Variants in CADM2 observed in about 807,000 individuals in gnomAD.
CADM2 encodes immunoglobulin superfamily member 4D.
CADM2 carries 12 observed loss-of-function variants against 49.8 expected under a neutral mutation model. The observed-to-expected ratio is 0.24, with a 90% CI of 0.15 to 0.39. The LOEUF (loss-of-function observed/expected upper bound fraction) is 0.39, where lower values mean the gene tolerates loss of function less well. Among genes scored for constraint, CADM2 ranks in the 10% least tolerant of loss-of-function variants. CADM2 has a pLI of 1.00. For missense variants in CADM2, 378 were observed against 492.3 expected, an observed-to-expected ratio of 0.77 and a Z score of 2.20; for synonymous variants, 214 against 175.4, an observed-to-expected ratio of 1.22 and a Z score of -1.74.
intron 5 of CADM2, among the ~76,000 whole-genome samples, chr3:85,899,452 C>T (rs528680303): frequency 2.0e-5 from 3 of 151,994 alleles, no homozygotes; most frequent in South Asian, 4.2e-4. Context: ...GAATTATTTT[C>T]GGGTCAGTTT....
chr3:85,591,981 G>C (rs1301952676), intron 1 of CADM2, among the ~76,000 whole-genome samples: 2 of 151,768 alleles, frequency 1.3e-5, no homozygotes, highest in Non-Finnish European at 2.9e-5. Flanking sequence ...TAAAAATCAG[G>C]TAACTTCCTG....
intron 1 of CADM2, among the ~76,000 whole-genome samples, chr3:85,236,790 G>C (rs1341603333): frequency 6.6e-6 from 1 of 151,922 alleles, no homozygotes; most frequent in Non-Finnish European, 1.5e-5. Flanking sequence ...CATTGATAGG[G>C]CTCGTATAAA....
chr3:85,186,853 T>A (rs536247134), intron 1 of CADM2, among the ~76,000 whole-genome samples: 1 of 152,262 alleles, frequency 6.6e-6, no homozygotes, highest in South Asian at 2.1e-4. Flanking sequence ...AAAGAACAGG[T>A]AATTTCTGTA....
chr3:85,936,766 G>GT (rs1721227882), intron 7 of CADM2, among the ~76,000 whole-genome samples: 1 of 151,738 alleles, frequency 6.6e-6, no homozygotes, highest in Non-Finnish European at 1.5e-5. Flanking sequence ...TAAAAGAATT[G>GT]TAAGATAGAT....
At chr3:85,862,183 A>G (rs796689985) in intron 3 of CADM2, among the ~76,000 whole-genome samples, 1 of 152,234 alleles carries the variant, frequency 6.6e-6, no homozygotes, top group East Asian at 1.9e-4. Context: ...CAATGAATTC[A>G]CTTTCACCAT....
intron 1 of CADM2, among the ~76,000 whole-genome samples, chr3:85,593,364 A>G (rs915668617): frequency 1.3e-5 from 2 of 152,004 alleles, no homozygotes; most frequent in Admixed American, 6.6e-5. Context: ...TTTACTTTTG[A>G]ATACCATCTC....
chr3:85,003,775 C>T (rs2033587298), intron 1 of CADM2, among the ~76,000 whole-genome samples: 1 of 151,928 alleles, frequency 6.6e-6, no homozygotes, highest in South Asian at 2.1e-4. Flanking sequence ...ATAATGAAAA[C>T]CCTATTTTTA....
At chr3:85,460,018 C>T (rs548589359) in intron 1 of CADM2, among the ~76,000 whole-genome samples, 4 of 152,266 alleles carry the variant, frequency 2.6e-5, no homozygotes, top group East Asian at 3.9e-4. Flanking sequence ...TTAGGCTTTA[C>T]GTGAAGAAAC....
intron 1 of CADM2, among the ~76,000 whole-genome samples, chr3:85,076,907 G>T (rs1575817186): frequency 1.3e-5 from 2 of 152,260 alleles, no homozygotes; most frequent in East Asian, 2.0e-4. Flanking sequence ...AGGAGGTGGA[G>T]GTTGCAGTGA....
intron 1 of CADM2, among the ~76,000 whole-genome samples, chr3:85,387,804 T>C (rs1463064209): frequency 6.6e-6 from 1 of 152,196 alleles, no homozygotes; most frequent in African/African-American, 2.4e-5. Context: ...TTGTGATTTA[T>C]GGACACAGAA....
intron 1 of CADM2, among the ~76,000 whole-genome samples, chr3:85,420,635 G>T (rs1000182756): frequency 6.6e-6 from 1 of 152,068 alleles, no homozygotes. Flanking sequence ...CCAAGACAAA[G>T]TATTAAAAAC....
intron 1 of CADM2, among the ~76,000 whole-genome samples, chr3:85,157,850 TA>T (rs1171185773): frequency 8.5e-5 from 13 of 152,100 alleles, no homozygotes; most frequent in Admixed American, 2.0e-4. Flanking sequence ...GGGATCTAAT[TA>T]AACTAAAGAG....
At chr3:85,750,645 G>A (rs566871911) in intron 2 of CADM2, among the ~76,000 whole-genome samples, 1 of 152,176 alleles carries the variant, frequency 6.6e-6, no homozygotes, top group East Asian at 1.9e-4. Context: ...AGATTCTTTA[G>A]TGGGGCATTT....
chr3:86,049,379 A>G (rs2107311082), intron 8 of CADM2, among the ~76,000 whole-genome samples: 1 of 151,080 alleles, frequency 6.6e-6, no homozygotes, highest in South Asian at 2.1e-4. Context: ...GGTTCACGCC[A>G]TCCTCCTGCC....
intron 1 of CADM2, among the ~76,000 whole-genome samples, chr3:85,188,216 T>C (rs2041110841): frequency 1.3e-5 from 2 of 152,280 alleles, no homozygotes; most frequent in South Asian, 4.1e-4. Context: ...AACTTTTATA[T>C]GCTGTCATAT....
intron 8 of CADM2, among the ~76,000 whole-genome samples, chr3:86,056,255 T>C (rs912338086): frequency 2.6e-5 from 4 of 152,094 alleles, no homozygotes; most frequent in Non-Finnish European, 5.9e-5. Context: ...CTCTCTGGAG[T>C]TGTTCAGATT....
At chr3:85,834,199 C>T (rs2074306320) in intron 3 of CADM2, among the ~76,000 whole-genome samples, 2 of 151,352 alleles carry the variant, frequency 1.3e-5, no homozygotes, top group African/African-American at 4.8e-5. Flanking sequence ...AATTTGGATG[C>T]TTAAAAAGAG....
At chr3:85,629,904 C>G (rs2064253511) in intron 1 of CADM2, among the ~76,000 whole-genome samples, 2 of 151,886 alleles carry the variant, frequency 1.3e-5, no homozygotes, top group Admixed American at 6.6e-5. Context: ...ATAAAAGTAT[C>G]TACTTCATAT....
chr3:85,663,854 T>C (rs574070909), intron 1 of CADM2, among the ~76,000 whole-genome samples: 2 of 152,028 alleles, frequency 1.3e-5, no homozygotes, highest in South Asian at 4.1e-4. Context: ...TGTACTTGTC[T>C]TTTATTCTTG....
Sources: allele counts gnomAD v4.1 joint callset (sites outside exome capture counted in the v4.1 genomes callset), GRCh38; gene constraint gnomAD v4.1.1; transcripts MANE v1.5; gene names NCBI Gene and HGNC (gene_info 2026-07-23, HGNC 2026-07-21).